ALDH8A1: variants seen among roughly 807,000 people sequenced by gnomAD.
ALDH8A1 encodes the protein 2-aminomuconic semialdehyde dehydrogenase.
ALDH8A1 carries 39 observed loss-of-function variants against 43.3 expected under a neutral mutation model. That is an observed-to-expected ratio of 0.90 (90% CI 0.70 to 1.18). The LOEUF is 1.18. Among genes scored for constraint, ALDH8A1 ranks in the 50% most tolerant of loss-of-function variants. The pLI is 0.00. For synonymous variants in ALDH8A1, 233 were observed against 243.5 expected, an observed-to-expected ratio of 0.96 and a Z score of 0.40; for missense variants, 605 against 622.6, an observed-to-expected ratio of 0.97 and a Z score of 0.30.
chr6:134,949,733 G>A (rs929271677), intron 1 of ALDH8A1, among the ~76,000 whole-genome samples, 183 bp downstream of exon 1: 2 of 152,148 alleles, frequency 1.3e-5, no homozygotes, highest in African/African-American at 4.8e-5. Context: ...TATAGGAAGA[G>A]ATTTGTTCTA....
intron 6 of ALDH8A1, among the ~76,000 whole-genome samples, chr6:134,924,426 C>A (rs1314358607): frequency 1.3e-5 from 2 of 152,168 alleles, no homozygotes; most frequent in Non-Finnish European, 2.9e-5. Flanking sequence ...GGACTGGTGC[C>A]TCCATTTAAT....
intron 2 of ALDH8A1, 29 bp from the exon 3 acceptor site, chr6:134,942,593 A>G: frequency 1.3e-6 from 2 of 1,600,002 alleles, no homozygotes; most frequent in South Asian, 1.1e-5. Flanking sequence ...ATAAAGCACT[A>G]TCAGCTAATG....
At chr6:134,949,653 T>C (rs1194788224) in intron 1 of ALDH8A1, among the ~76,000 whole-genome samples, 1 of 151,992 alleles carries the variant, frequency 6.6e-6, no homozygotes, top group Non-Finnish European at 1.5e-5. Flanking sequence ...AGGAAATGTT[T>C]GAGAATTGCA....
At chr6:134,923,428 A>G (rs1189721742) in intron 6 of ALDH8A1, among the ~76,000 whole-genome samples, 1 of 152,172 alleles carries the variant, frequency 6.6e-6, no homozygotes, top group African/African-American at 2.4e-5. Context: ...TTTAAAAGAT[A>G]AATTTGAGTT....
intron 3 of ALDH8A1, 65 bp from the exon 4 acceptor site, chr6:134,939,480 G>A: frequency 1.9e-6 from 3 of 1,547,424 alleles, no homozygotes; most frequent in Non-Finnish European, 2.6e-6. Flanking sequence ...CTGGCCAAGT[G>A]GGGTTATTAA....
intron 5 of ALDH8A1, among the ~76,000 whole-genome samples, chr6:134,931,043 G>A (rs796510961): frequency 1.1e-4 from 17 of 152,302 alleles, no homozygotes; most frequent in African/African-American, 4.1e-4. Flanking sequence ...GCACGACACG[G>A]AATTCATCGC....
intron 4 of ALDH8A1, 95 bp downstream of exon 4, chr6:134,939,171 C>T: frequency 2.0e-6 from 3 of 1,533,108 alleles, no homozygotes; most frequent in Non-Finnish European, 2.7e-6. Context: ...CCCATGATGT[C>T]ACTGGAATCG....
At chr6:134,943,775 G>C in intron 2 of ALDH8A1, 44 bp downstream of exon 2, 1 of 1,602,296 alleles carries the variant, frequency 6.2e-7, no homozygotes, top group Non-Finnish European at 8.5e-7. Flanking sequence ...TGAATAATCA[G>C]AGATGCCCTG....
In ALDH8A1 at chr6:134,942,431, C is replaced by A. The variant is rs753123197; in HGVS notation, c.420G>T (p.Thr140=). 1 of 1,613,736 alleles carries A rather than the reference C, an allele frequency of 6.2e-7. No individual in the cohort carries two copies. The highest frequency in any genetic ancestry group is 8.5e-7 in the Non-Finnish European group (1 of 1,179,730). The part of the protein sequence containing the change: ...QMDHLGCMHY[T]VRAPVGVAGL... The stretch of plus-strand genomic sequence containing the variant: ...CACCGACTCCCACCGGGGCCCGCAC[C>A]GTGTAGTGCATGCAGCCCAGGTGGT... Residue 140 remains threonine, a synonymous_variant, in exon 3 of 7, where the codon ACG becomes ACT. Coordinates refer to ENST00000265605, the MANE Select transcript of ALDH8A1 (RefSeq NM_022568.4).
At position 134,942,428 on chromosome 6, in the gene ALDH8A1, C is replaced by A. The variant is rs1382191063; in HGVS notation, c.423G>T (p.Val141=). 6.8e-6 allele frequency: 11 copies of A among 1,613,540 alleles called. No homozygotes were observed. The East Asian group carries it at 1.3e-4, about 20-fold the overall frequency. ...MDHLGCMHYT[V]RAPVGVAGLI... ...ACTCACCGACTCCCACCGGGGCCCG[C>A]ACCGTGTAGTGCATGCAGCCCAGGT... The change falls in exon 3 of 7, where the codon GTG becomes GTT. Residue 141 remains valine (V), a synonymous_variant. Coordinates refer to ENST00000265605, the MANE Select transcript of ALDH8A1 (RefSeq NM_022568.4).
chr6:134,947,187 A>T (rs961832157), intron 1 of ALDH8A1, among the ~76,000 whole-genome samples: 1 of 152,204 alleles, frequency 6.6e-6, no homozygotes, highest in African/African-American at 2.4e-5. Context: ...ATGCAGAAGA[A>T]TGAAACTAGA....
chr6:134,939,131 A>G (rs2114701386), intron 4 of ALDH8A1, 135 bp downstream of exon 4: 1 of 1,364,620 alleles, frequency 7.3e-7, no homozygotes, highest in Middle Eastern at 1.9e-4. Context: ...GGTGGAGGGG[A>G]TTTCCCAGAC....
chr6:134,935,532 G>A (rs1433393010), intron 4 of ALDH8A1, among the ~76,000 whole-genome samples: 1 of 152,204 alleles, frequency 6.6e-6, no homozygotes, highest in Non-Finnish European at 1.5e-5. Context: ...AAAGTCATCT[G>A]TATAATCACG....
intron 3 of ALDH8A1, chr6:134,941,332 A>T (rs1773850968): frequency 6.6e-6 from 1 of 151,164 alleles, no homozygotes; most frequent in Non-Finnish European, 1.5e-5. Context: ...TCAGCCTCCC[A>T]AGTAGCTGGG....
chr6:134,924,941 T>C (rs1438429849), intron 6 of ALDH8A1, among the ~76,000 whole-genome samples: 1 of 152,208 alleles, frequency 6.6e-6, no homozygotes, highest in Admixed American at 6.5e-5. Flanking sequence ...TAAAATGTAG[T>C]ATAATAGAAA....
At position 134,939,400 on chromosome 6, in the gene ALDH8A1, G is replaced by A; in HGVS notation, c.458C>T (p.Pro153Leu). ...APVGVAGLIS[P>L]WNLPLYLLTW... ...CAGCAAGTAGAGTGGCAAATTCCAG[G>A]GGCTGATCAGACCAGCTAAGGGATG... is the stretch of plus-strand genomic sequence containing the variant. The change falls in exon 4 of 7, where the codon CCC (proline) becomes CTC (leucine). Residue 153 changes from proline (P) to leucine (L), a missense_variant. Pro to Leu is a moderately conservative substitution (Grantham distance 98). Transcript: ENST00000265605. 1 of 1,613,998 alleles carries A rather than the reference G, an allele frequency of 6.2e-7. No homozygotes were observed. The highest frequency in any genetic ancestry group is 8.5e-7 in the Non-Finnish European group (1 of 1,180,024).
At chr6:134,945,911 G>A (rs1218898726) in intron 1 of ALDH8A1, among the ~76,000 whole-genome samples, 5 of 152,102 alleles carry the variant, frequency 3.3e-5, no homozygotes, top group Non-Finnish European at 7.4e-5. Flanking sequence ...GTTTGTGGGG[G>A]CTATTTTCAT....
chr6:134,943,753 A>G, intron 2 of ALDH8A1, 66 bp downstream of exon 2: 1 of 1,579,504 alleles, frequency 6.3e-7, no homozygotes, highest in African/African-American at 1.3e-5. Flanking sequence ...GATGGCCCCA[A>G]GAGGGATAAC....
chr6:134,939,497 A>T, intron 3 of ALDH8A1, 82 bp from the exon 4 acceptor site: 1 of 1,474,762 alleles, frequency 6.8e-7, no homozygotes, highest in Non-Finnish European at 9.1e-7. Context: ...TTAACGCAAA[A>T]CTCCTTCATG....
Sources: allele counts gnomAD v4.1 joint callset (sites outside exome capture counted in the v4.1 genomes callset), GRCh38; gene constraint gnomAD v4.1.1; transcripts MANE v1.5; gene names NCBI Gene and HGNC (gene_info 2026-07-23, HGNC 2026-07-21).